PPRC1: variants seen among roughly 807,000 people sequenced by gnomAD.
PPRC1 encodes peroxisome proliferator-activated receptor gamma coactivator-related protein 1.
In PPRC1, 23 loss-of-function variants were observed where a neutral mutation model predicts 132.5. The ratio of observed to expected loss-of-function variants is 0.17; its 90% CI spans 0.12 to 0.25. The LOEUF (loss-of-function observed/expected upper bound fraction) is 0.25. Among genes scored for constraint, PPRC1 ranks in the 10% least tolerant of loss-of-function variants. PPRC1 has a pLI of 1.00. For missense variants in PPRC1, 2,006 were observed against 2,089.1 expected (o/e 0.96, Z 0.78); for synonymous variants, 872 against 833.5 (o/e 1.05, Z -0.80).
the PPRC1 span, among the ~76,000 whole-genome samples, chr10:102,127,344 A>G: frequency 2.6e-5 from 4 of 152,144 alleles, no homozygotes; most frequent in African/African-American, 9.6e-5. Flanking sequence ...ACTGCACTCC[A>G]GCCTGGGCAG....
At chr10:102,145,156 C>A in intron 8 of PPRC1, 66 bp downstream of exon 8, 2 of 1,442,896 alleles carry the variant, frequency 1.4e-6, no homozygotes, top group Non-Finnish European at 1.9e-6. Flanking sequence ...GAGCCTACTC[C>A]AAATCCATTG....
Position 102,147,337 on chromosome 10 carries a change from T to G in PPRC1, c.4345T>G (p.Ser1449Ala). ...EASSSSSSSS[S>A]SSRSRSRSLS... ...ATCTTCCTCATCCTCATCATCGTCT[T>G]CCTCATCCCGATCTCGGTCCAGGTC... is the stretch of plus-strand genomic sequence containing the variant. Residue 1449 changes from serine (S) to alanine (A), a missense_variant, in exon 9 of 14, where the codon TCC becomes GCC. Ser to Ala is a moderately conservative substitution (Grantham distance 99, BLOSUM62 1). Coordinates refer to ENST00000278070, the MANE Select transcript of PPRC1 (RefSeq NM_015062.5). 1 of 1,611,384 alleles carries G rather than the reference T, an allele frequency of 6.2e-7. No homozygotes were observed. The highest frequency in any genetic ancestry group is 8.5e-7 in the Non-Finnish European group (1 of 1,179,932).
intron 1 of PPRC1, among the ~76,000 whole-genome samples, chr10:102,134,709 C>G (rs1417519033): frequency 1.3e-5 from 2 of 152,168 alleles, no homozygotes; most frequent in African/African-American, 4.8e-5. Flanking sequence ...TGCCTACCTA[C>G]CAGAGCCCCA....
At chr10:102,143,223 T>C (rs1053748126) in intron 6 of PPRC1, 125 bp downstream of exon 6, 1 of 811,342 alleles carries the variant, frequency 1.2e-6, no homozygotes, top group African/African-American at 1.7e-5. Flanking sequence ...GACCCCTAAT[T>C]GGAAGAGAGA....
chr10:102,128,719 A>G (rs947034790), upstream of PPRC1, among the ~76,000 whole-genome samples: 8 of 142,452 alleles, frequency 5.6e-5, no homozygotes, highest in African/African-American at 1.8e-4. Context: ...TTCACCTGCC[A>G]TTCTCCTGCC....
At chr10:102,121,141 G>A in the PPRC1 span, among the ~76,000 whole-genome samples, 2 of 152,128 alleles carry the variant, frequency 1.3e-5, no homozygotes. Context: ...GTGTTTTGCT[G>A]GGGGGAGGGG....
chr10:102,128,979 G>GA (rs1158589170), upstream of PPRC1, among the ~76,000 whole-genome samples: 1 of 137,756 alleles, frequency 7.3e-6, no homozygotes, highest in African/African-American at 2.8e-5. Context: ...ACCCAGGCTG[G>GA]AGTGCAGTGG....
intron 1 of PPRC1, among the ~76,000 whole-genome samples, chr10:102,133,854 T>C (rs1361957001): frequency 6.6e-6 from 1 of 151,374 alleles, no homozygotes; most frequent in Non-Finnish European, 1.5e-5. Context: ...TAAGGGCTGC[T>C]AGAGTCAACT....
chr10:102,132,630 A>T (rs929404689), upstream of PPRC1, among the ~76,000 whole-genome samples: 9 of 152,264 alleles, frequency 5.9e-5, no homozygotes, highest in African/African-American at 1.7e-4. Flanking sequence ...GCAAGTGCCC[A>T]CTAGGGGGTG....
At chr10:102,144,109 C>T in intron 6 of PPRC1, 141 bp from the exon 7 acceptor site, 2 of 783,712 alleles carry the variant, frequency 2.6e-6, no homozygotes, top group Non-Finnish European at 4.5e-6. Flanking sequence ...CTGGAGGAGA[C>T]TAGATCTCTT....
chr10:102,145,006 TCC>T lies in PPRC1; in HGVS notation c.3609-7_3609-6del, dbSNP rs11357964. ...AGGCAATGAATCAGGCTTTCCCTTT[TCC>T]CCCCCCGCCAGCGGCGTTGACATTC... On this transcript the variant is annotated splice_polypyrimidine_tract_variant and intron_variant, in intron 7 of 13. Transcript: ENST00000278070. 1.8e-5 allele frequency: 28 copies of T among 1,536,212 alleles called. No individual in the cohort carries two copies. The highest frequency in any genetic ancestry group is 9.8e-5 in the African/African-American group (7 of 71,452).
Position 102,150,249 on chromosome 10 carries a change from G to C in PPRC1, c.*220G>C. 2.2e-6 allele frequency: 1 copy of C among 458,092 alleles called. No homozygotes were observed. The highest frequency in any genetic ancestry group is 2.3e-5 in the South Asian group (1 of 42,750). The allele number at this position is 458,092 out of a possible 1,614,324, so 28.4% of individuals were successfully genotyped here. ...CAAGTTAACTTGCATTCCTATGTAA[G>C]ATAGGAGGGGCTGAGGGGATCCCCA... On this transcript the variant is annotated 3_prime_UTR_variant, in exon 14 of 14. Transcript: ENST00000278070.
chr10:102,150,070 T>TTGGGCACCTCCAAA lies in PPRC1; in HGVS notation c.*41_*42insTGGGCACCTCCAAA. The TTGGGCACCTCCAAA allele has an allele frequency of 6.8e-7, 1 of 1,471,946 alleles. No individual in the cohort carries two copies. The highest frequency in any genetic ancestry group is 9.5e-7 in the Non-Finnish European group (1 of 1,050,812). 91.2% of individuals were successfully genotyped at this position (1,471,946 alleles called of 1,614,324 possible). On this transcript the variant is annotated 3_prime_UTR_variant, in exon 14 of 14. Coordinates refer to ENST00000278070, the MANE Select transcript of PPRC1 (RefSeq NM_015062.5). The stretch of plus-strand genomic sequence containing the variant: ...TGCTATCCTTTTTCTCCTTTGGAGG[T>TTGGGCACCTCCAAA]GCCCAACCTCCTCCACCCCCTTCCC...
In PPRC1 at chr10:102,148,647, C is replaced by T. The variant is rs144208253; in HGVS notation, c.4570C>T (p.His1524Tyr). The T allele has an allele frequency of 2.3e-5, 37 of 1,614,058 alleles. No individual in the cohort carries two copies. Among genetic ancestry groups the T allele is most frequent in the Non-Finnish European group, 2.6e-5 (31 of 1,180,044 alleles). The change falls in exon 11 of 14, where the codon CAT becomes TAT. Residue 1524 changes from histidine to tyrosine, a missense_variant. Around this residue, in one of 2 missense-constraint regions of PPRC1, gnomAD observed 1,914 missense variants for 1,917.2 expected, o/e 1.00. Transcript: ENST00000278070. This position sits in a 1 kb window ranked among gnomAD's most constrained non-coding sequence, Gnocchi z 4.2. ...RRRRYSSYRS[H>Y]DHYQRQRVLQ... The stretch of plus-strand genomic sequence containing the variant: ...TGTCAGGTACAGCTCTTATCGTTCA[C>T]ATGACCATTACCAAAGGCAAAGAGT...
chr10:102,144,984 C>T, intron 7 of PPRC1, 36 bp from the exon 8 acceptor site: 1 of 1,482,386 alleles, frequency 6.7e-7, no homozygotes, highest in South Asian at 1.2e-5. Flanking sequence ...ATTGAGAAGG[C>T]AATGAATCAG....
Position 102,139,860 on chromosome 10 carries a change from C to T in PPRC1, c.1352C>T (p.Pro451Leu), listed in dbSNP as rs895301902. 1.9e-6 allele frequency: 3 copies of T among 1,614,082 alleles called. No homozygotes were observed. In the African/African-American group the frequency reaches 4.0e-5, roughly 22 times the overall value. ...EPQNPPANAA[P>L]GSQRARKGRK... ...CAGAACCCACCTGCCAATGCAGCAC[C>T]AGGTTCCCAGAGAGCTCGAAAGGGC... The change falls in exon 5 of 14, where the codon CCA becomes CTA. Residue 451 changes from proline (P) to leucine (L), a missense_variant. Physicochemically the swap from Pro to Leu is moderately conservative, Grantham distance 98. Around this residue, in one of 2 missense-constraint regions of PPRC1, gnomAD observed 1,914 missense variants for 1,917.2 expected, o/e 1.00. Coordinates refer to ENST00000278070, the MANE Select transcript of PPRC1 (RefSeq NM_015062.5).
At chr10:102,144,340 A>G (rs2069126431) in intron 7 of PPRC1, 33 bp downstream of exon 7, 6 of 1,604,106 alleles carry the variant, frequency 3.7e-6, no homozygotes, top group Non-Finnish European at 5.1e-6. Flanking sequence ...GTTACCCTAC[A>G]GCTGTTAGTC....
the PPRC1 span, among the ~76,000 whole-genome samples, chr10:102,123,484 C>T: frequency 2.0e-5 from 3 of 152,124 alleles, no homozygotes; most frequent in Admixed American, 6.5e-5. Context: ...CCAGTATTCT[C>T]TCTCTCTCCC....
upstream of PPRC1, among the ~76,000 whole-genome samples, chr10:102,131,582 G>A (rs2068544122): frequency 6.6e-6 from 1 of 152,158 alleles, no homozygotes; most frequent in Non-Finnish European, 1.5e-5. Context: ...GCACAAAAGT[G>A]CAAAGGTACA....
Sources: gnomAD v4.1 joint callset for allele counts (sites outside exome capture counted in the v4.1 genomes callset) on GRCh38, gnomAD v4.1.1 for gene constraint, gnomAD v4.1.1 regional missense constraint, Gnocchi (gnomAD v3.1) non-coding constraint, MANE v1.5 for transcripts, NCBI Gene and HGNC (gene_info 2026-07-23, HGNC 2026-07-21) for gene names.